Variants in SZRD1 observed in about 807,000 individuals in gnomAD.
SZRD1 encodes the protein SUZ RNA binding domain containing 1.
In SZRD1, 7 loss-of-function variants were observed where a neutral mutation model predicts 17.6. The ratio of observed to expected loss-of-function variants is 0.40; its 90% CI spans 0.23 to 0.75. The LOEUF (loss-of-function observed/expected upper bound fraction) is 0.75, where lower values mean the gene tolerates loss of function less well. Among genes scored for constraint, SZRD1 ranks in the 30% least tolerant of loss-of-function variants. SZRD1 has a pLI of 0.38. For synonymous variants in SZRD1, 77 were observed against 77.9 expected, an observed-to-expected ratio of 0.99 and a Z score of 0.06; for missense variants, 178 against 201.8, an observed-to-expected ratio of 0.88 and a Z score of 0.71.
At position 16,397,306 on chromosome 1, in the gene SZRD1, C is replaced by T. The variant is rs3088128; in HGVS notation, c.*2166C>T. 2.2e-4 allele frequency: 34 copies of T among 152,370 alleles called. No individual in the cohort carries two copies. Among genetic ancestry groups the T allele is most frequent in the African/African-American group, 8.2e-4 (34 of 41,568 alleles). The allele number at this position is 152,370 out of a possible 1,614,324, so 9.4% of individuals were successfully genotyped here. ...CACCCACCAGCAGTCATGCCCTGGG[C>T]TTCCCAAATGGAGAGGTAGCAGGCA... On this transcript the variant is annotated 3_prime_UTR_variant, in exon 4 of 4. Coordinates refer to ENST00000401088, the MANE Select transcript of SZRD1 (RefSeq NM_001114600.3). This position sits in a 1 kb window ranked among gnomAD's most constrained non-coding sequence, Gnocchi z 5.4.
At chr1:16,374,924 C>T (rs1211893455) in intron 1 of SZRD1, among the ~76,000 whole-genome samples, 1 of 152,192 alleles carries the variant, frequency 6.6e-6, no homozygotes, top group East Asian at 1.9e-4. Flanking sequence ...GTCGCCGAGG[C>T]TGGAGTGCAG....
rs1570048013 is a variant in SZRD1, at chr1:16,393,160, T to G, written c.102-68T>G. 1 of 1,565,926 alleles carries G rather than the reference T, an allele frequency of 6.4e-7. No individual in the cohort carries two copies. The highest frequency in any genetic ancestry group is 2.3e-5 in the East Asian group (1 of 44,430). On this transcript the variant is annotated intron_variant, in intron 2 of 3. Transcript: ENST00000401088. This position sits in a 1 kb window ranked among gnomAD's most constrained non-coding sequence, Gnocchi z 5.6. ...GGAGAGGAAAGTGATGAGAGGTGGG[T>G]GTGGGACATGGACAGGGCCTCCTTA...
Position 16,395,962 on chromosome 1 carries a change from C to G in SZRD1, c.*822C>G, listed in dbSNP as rs2085304748. ...GGAGAGCCTGGGGAGGGTGCCAACC[C>G]CACCTCTAGTATTTTGGGAGATAGG... On this transcript the variant is annotated 3_prime_UTR_variant, in exon 4 of 4. Transcript: ENST00000401088. The G allele has an allele frequency of 6.6e-6, 1 of 152,658 alleles. No homozygotes were observed. Among genetic ancestry groups the G allele is most frequent in the South Asian group, 2.1e-4 (1 of 4,834 alleles). The allele number at this position is 152,658 out of a possible 1,614,324, so 9.5% of individuals were successfully genotyped here. A position where few individuals can be genotyped will look rare whatever the true frequency, so the allele number is the denominator to read the frequency against.
intron 1 of SZRD1, among the ~76,000 whole-genome samples, chr1:16,375,740 A>G (rs571446302): frequency 3.3e-5 from 5 of 152,210 alleles, no homozygotes; most frequent in African/African-American, 1.2e-4. Context: ...ATTCCTTTCT[A>G]AAAGGAATAA....
At chr1:16,385,033 A>G (rs572177700) in intron 1 of SZRD1, among the ~76,000 whole-genome samples, 2 of 152,352 alleles carry the variant, frequency 1.3e-5, no homozygotes, top group South Asian at 2.1e-4. Flanking sequence ...ATTTGGGAAA[A>G]GTTACTTAAA....
chr1:16,388,827 T>A (rs2085170839), intron 1 of SZRD1, among the ~76,000 whole-genome samples: 1 of 151,612 alleles, frequency 6.6e-6, no homozygotes, highest in Non-Finnish European at 1.5e-5. Flanking sequence ...GTTGAATTTT[T>A]AAATAGAAAC....
intron 1 of SZRD1, among the ~76,000 whole-genome samples, chr1:16,389,553 C>A (rs113488326): frequency 0.016 from 2,448 of 151,972 alleles, 55 homozygotes; most frequent in African/African-American, 0.057. Flanking sequence ...CCTCGTGATC[C>A]GCCCACCTCG....
At chr1:16,380,279 A>G (rs1480793402) in intron 1 of SZRD1, among the ~76,000 whole-genome samples, 1 of 151,586 alleles carries the variant, frequency 6.6e-6, no homozygotes, top group Non-Finnish European at 1.5e-5. Context: ...GTTTGAGACC[A>G]GCCTGAGCAA....
intron 2 of SZRD1, among the ~76,000 whole-genome samples, chr1:16,392,600 G>C (rs1234516595): frequency 1.3e-5 from 2 of 152,212 alleles, no homozygotes; most frequent in Non-Finnish European, 2.9e-5. Flanking sequence ...GCCCTGGCAA[G>C]GGAGGTTTCT....
At position 16,367,250 on chromosome 1, in the gene SZRD1, C is replaced by T; in HGVS notation, c.-8C>T. On this transcript the variant is annotated 5_prime_UTR_variant, in exon 1 of 4. Coordinates refer to ENST00000401088, the MANE Select transcript of SZRD1 (RefSeq NM_001114600.3). ...GGGGGTGGGGGAGGAGGGAAAGCGG[C>T]GAGTAAGATGGAAGATGAGGAGGTC... 1.3e-6 allele frequency: 2 copies of T among 1,547,748 alleles called. No individual in the cohort carries two copies. The highest frequency in any genetic ancestry group is 8.7e-7 in the Non-Finnish European group (1 of 1,146,026).
intron 1 of SZRD1, among the ~76,000 whole-genome samples, chr1:16,390,265 CCT>C (rs1322506211): frequency 6.6e-6 from 1 of 152,186 alleles, no homozygotes; most frequent in Non-Finnish European, 1.5e-5. Context: ...TCCCCACACC[CCT>C]GTCCTGGATA....
At position 16,398,073 on chromosome 1, in the gene SZRD1, C is replaced by T. The variant is rs1331035249; in HGVS notation, c.*2933C>T. On this transcript the variant is annotated 3_prime_UTR_variant, in exon 4 of 4. Coordinates refer to ENST00000401088, the MANE Select transcript of SZRD1 (RefSeq NM_001114600.3). ...AGCTGCCCACTCCCACCCCACCCTG[C>T]ACCGCGGGCTCCTGAGTCGGCAGAT... The T allele has an allele frequency of 6.8e-6, 6 of 887,972 alleles. No individual in the cohort carries two copies. Among genetic ancestry groups the T allele is most frequent in the Non-Finnish European group, 8.1e-6 (6 of 741,256 alleles). 55.0% of individuals were successfully genotyped at this position (887,972 alleles called of 1,614,324 possible).
chr1:16,374,775 G>A (rs2082971386), intron 1 of SZRD1, among the ~76,000 whole-genome samples: 1 of 152,162 alleles, frequency 6.6e-6, no homozygotes. Context: ...GGTTTCCTAG[G>A]AGAAGGTTGA....
At chr1:16,372,449 G>T (rs895152469) in intron 1 of SZRD1, among the ~76,000 whole-genome samples, 3 of 152,118 alleles carry the variant, frequency 2.0e-5, no homozygotes, top group African/African-American at 4.8e-5. Flanking sequence ...TTCCAGCCTG[G>T]GTGACAGAGT....
chr1:16,387,347 A>C, intron 1 of SZRD1: 1 of 455,716 alleles, frequency 2.2e-6, no homozygotes, highest in South Asian at 1.6e-5. Context: ...GGAGACCTGG[A>C]TGGGACTTCT....
chr1:16,393,440 G>A lies in SZRD1; in HGVS notation c.314G>A (p.Ser105Asn), dbSNP rs1333552982. ...YAEARKRILGSASPEEEQEKP... is the reference protein window; with the variant it reads ...YAEARKRILGNASPEEEQEKP... ...GAGGCCCGGAAGCGGATCCTGGGCAGCGCCAGCCCCGAGGAGGAGCAGGAG... is the reference window on the plus strand; with the variant it reads ...GAGGCCCGGAAGCGGATCCTGGGCAACGCCAGCCCCGAGGAGGAGCAGGAG... Residue 105 changes from serine to asparagine, a missense_variant, in exon 3 of 4, where the codon AGC becomes AAC. By Grantham distance (46) the Ser-to-Asn change is conservative. Coordinates refer to ENST00000401088, the MANE Select transcript of SZRD1 (RefSeq NM_001114600.3). This position sits in a 1 kb window ranked among gnomAD's most constrained non-coding sequence, Gnocchi z 5.6. The A allele has an allele frequency of 1.2e-5, 19 of 1,613,860 alleles. No homozygotes were observed. The highest frequency in any genetic ancestry group is 2.2e-5 in the East Asian group (1 of 44,886).
rs188021749 is a variant in SZRD1, at chr1:16,387,878, A to G, written c.52-3497A>G. 1.0e-3 allele frequency: 359 copies of G among 358,430 alleles called. 2 individuals carry two copies. Among genetic ancestry groups the G allele is most frequent in the African/African-American group, 7.1e-3 (335 of 46,880 alleles). 22.2% of individuals were successfully genotyped at this position (358,430 alleles called of 1,614,324 possible). On this transcript the variant is annotated intron_variant, in intron 1 of 3. Transcript: ENST00000401088. ...TAATAGAATTAATACAATTCCATCAATACAGTCATTTTCAGGACAGAGTAC... is the reference window on the plus strand; with the variant it reads ...TAATAGAATTAATACAATTCCATCAGTACAGTCATTTTCAGGACAGAGTAC...
chr1:16,378,936 A>G (rs948096816), intron 1 of SZRD1, among the ~76,000 whole-genome samples: 12 of 148,618 alleles, frequency 8.1e-5, no homozygotes, highest in Admixed American at 6.7e-4. Context: ...CATTTTGACC[A>G]GGCTGGTCTC....
Position 16,396,996 on chromosome 1 carries a change from C to T in SZRD1, c.*1856C>T, listed in dbSNP as rs972106036. ...AGTTCCACTGCCCTAACCAAGTGTC[C>T]ACATTCTAAATGTGTAGTGTCCATC... On this transcript the variant is annotated 3_prime_UTR_variant, in exon 4 of 4. Transcript: ENST00000401088. The T allele has an allele frequency of 6.6e-6, 1 of 152,278 alleles. No individual in the cohort carries two copies. Among genetic ancestry groups the T allele is most frequent in the African/African-American group, 2.4e-5 (1 of 41,466 alleles). The allele number at this position is 152,278 out of a possible 1,614,324, so 9.4% of individuals were successfully genotyped here.
Sources: allele counts gnomAD v4.1 joint callset (sites outside exome capture counted in the v4.1 genomes callset), GRCh38; gene constraint gnomAD v4.1.1; non-coding constraint Gnocchi (gnomAD v3.1); transcripts MANE v1.5; gene names NCBI Gene and HGNC (gene_info 2026-07-23, HGNC 2026-07-21).